Variants in DCLK1 observed in about 807,000 individuals in gnomAD.
DCLK1 encodes doublecortin like kinase 1.
DCLK1 carries 16 observed loss-of-function variants against 86.2 expected under a neutral mutation model. That is an observed-to-expected ratio of 0.19 (90% CI 0.13 to 0.28). The LOEUF (loss-of-function observed/expected upper bound fraction) is 0.28, where lower values mean the gene tolerates loss of function less well. Among genes scored for constraint, DCLK1 ranks in the 10% least tolerant of loss-of-function variants. The pLI is 1.00. For missense variants in DCLK1, 590 were observed against 940.2 expected, an observed-to-expected ratio of 0.63 and a Z score of 4.87; for synonymous variants, 369 against 370.5, an observed-to-expected ratio of 1.00 and a Z score of 0.05.
intron 3 of DCLK1, among the ~76,000 whole-genome samples, chr13:35,985,686 G>T (rs2153142547): frequency 6.6e-6 from 1 of 152,318 alleles, no homozygotes; most frequent in South Asian, 2.1e-4. Context: ...TGAGGGATTT[G>T]GCAGCCTACA....
chr13:35,992,043 T>C (rs1229782526), intron 3 of DCLK1, among the ~76,000 whole-genome samples: 3 of 152,194 alleles, frequency 2.0e-5, no homozygotes, highest in African/African-American at 7.2e-5. Flanking sequence ...TAGATTTTGG[T>C]TTAATTGCCT....
intron 11 of DCLK1, among the ~76,000 whole-genome samples, chr13:35,820,854 C>T (rs1192883107): frequency 6.6e-6 from 1 of 152,162 alleles, no homozygotes; most frequent in Non-Finnish European, 1.5e-5. Context: ...CCTCAGCTGC[C>T]TTTTATTAGC....
chr13:35,961,078 G>C (rs900768225), intron 3 of DCLK1, among the ~76,000 whole-genome samples: 1 of 152,140 alleles, frequency 6.6e-6, no homozygotes, highest in Non-Finnish European at 1.5e-5. Flanking sequence ...TAGAGGTTTT[G>C]AGTATAGGCT....
intron 3 of DCLK1, among the ~76,000 whole-genome samples, chr13:36,073,703 A>ATGG (rs1884062310): frequency 6.6e-6 from 1 of 152,072 alleles, no homozygotes; most frequent in South Asian, 2.1e-4. Flanking sequence ...TCTGGCTCAC[A>ATGG]CCTGAACTAT....
rs189358107 is a variant in DCLK1 at position 35,890,234 on chromosome 13, G to A, written c.824-18894C>T. On this transcript the variant is annotated intron_variant, in intron 4 of 16. Coordinates refer to ENST00000360631, the MANE Select transcript of DCLK1 (RefSeq NM_001330071.2). ...CGCTATAGATAACAATTTCTTGGCTGGTCTGTCCTAAAAGGTCAGAGAATA... is the reference window on the plus strand; with the variant it reads ...CGCTATAGATAACAATTTCTTGGCTAGTCTGTCCTAAAAGGTCAGAGAATA... Among the ~76,000 whole-genome samples, 37 of 152,094 alleles carry A rather than the reference G, an allele frequency of 2.4e-4. No homozygotes were observed. The East Asian group carries it at 4.4e-3, about 18-fold the overall frequency.
intron 4 of DCLK1, among the ~76,000 whole-genome samples, chr13:35,895,831 G>A (rs1384474640): frequency 6.6e-6 from 1 of 151,390 alleles, no homozygotes; most frequent in Non-Finnish European, 1.5e-5. Flanking sequence ...ATATTTTTCA[G>A]TGAAAGTAAA....
At chr13:35,934,498 G>A (rs1876644052) in intron 4 of DCLK1, among the ~76,000 whole-genome samples, 1 of 152,228 alleles carries the variant, frequency 6.6e-6, no homozygotes, top group South Asian at 2.1e-4. Context: ...ATGGAAGGCA[G>A]CAGGCAAAGA....
intron 3 of DCLK1, among the ~76,000 whole-genome samples, chr13:35,972,742 G>C (rs1392501884): frequency 6.6e-6 from 1 of 152,068 alleles, no homozygotes; most frequent in East Asian, 1.9e-4. Flanking sequence ...AAGGACCTTT[G>C]AACCTAATTT....
intron 16 of DCLK1, among the ~76,000 whole-genome samples, chr13:35,779,810 T>G (rs2086491008): frequency 6.6e-6 from 1 of 152,178 alleles, no homozygotes; most frequent in South Asian, 2.1e-4. Flanking sequence ...GCTACAAAAT[T>G]AACTTGACTC....
At chr13:35,850,456 C>G in intron 6 of DCLK1, 1 of 1,133,202 alleles carries the variant, frequency 8.8e-7, no homozygotes, top group Non-Finnish European at 1.1e-6. Context: ...TCATCTAGAG[C>G]CAGGCCCTGT....
intron 2 of DCLK1, among the ~76,000 whole-genome samples, chr13:36,124,151 G>A (rs925324411): frequency 4.6e-5 from 7 of 152,130 alleles, no homozygotes; most frequent in Admixed American, 2.0e-4. Flanking sequence ...TCAGAGGGAC[G>A]GCTTGTTGAC....
In DCLK1 at chr13:36,020,872, G is replaced by A. The variant is rs370308477; in HGVS notation, c.724-73415C>T. On this transcript the variant is annotated intron_variant, in intron 3 of 16. Coordinates refer to ENST00000360631, the MANE Select transcript of DCLK1 (RefSeq NM_001330071.2). ...CAGGAAACACTAGAGACTCTTTCAGGCTGAAATGAAAGGACACAAGACATT... is the reference window on the plus strand; with the variant it reads ...CAGGAAACACTAGAGACTCTTTCAGACTGAAATGAAAGGACACAAGACATT... Among the ~76,000 whole-genome samples, 18 of 152,254 alleles carry A rather than the reference G, an allele frequency of 1.2e-4. No homozygotes were observed. The East Asian group carries it at 1.7e-3, about 15-fold the overall frequency.
At chr13:35,870,137 G>A (rs1037961553) in intron 5 of DCLK1, among the ~76,000 whole-genome samples, 8 of 152,186 alleles carry the variant, frequency 5.3e-5, no homozygotes, top group African/African-American at 7.2e-5. Flanking sequence ...GCTCTGAAAC[G>A]TATTTCCTGA....
At chr13:36,070,644 A>AT (rs11368796) in intron 3 of DCLK1, among the ~76,000 whole-genome samples, 100,051 of 150,908 alleles carry the variant, frequency 0.66, 33,800 homozygotes, top group East Asian at 0.99. Flanking sequence ...TTTTAACTTA[A>AT]TTTTTTTTCT....
chr13:35,785,310 G>A (rs917874974), intron 16 of DCLK1, among the ~76,000 whole-genome samples: 4 of 152,108 alleles, frequency 2.6e-5, no homozygotes, highest in African/African-American at 4.8e-5. Context: ...TTTGAATAAG[G>A]ATGCATTTCC....
At chr13:35,944,474 T>A (rs2153132593) in intron 4 of DCLK1, among the ~76,000 whole-genome samples, 1 of 152,272 alleles carries the variant, frequency 6.6e-6, no homozygotes, top group South Asian at 2.1e-4. Context: ...TAAATCATGC[T>A]CGGAGCACTT....
At chr13:36,069,903 A>G (rs1926317) in intron 3 of DCLK1, among the ~76,000 whole-genome samples, 100,712 of 152,074 alleles carry the variant, frequency 0.66, 34,002 homozygotes, top group East Asian at 0.99. Flanking sequence ...TCCATCAGCG[A>G]TAGGATTGAA....
chr13:35,885,041 G>C (rs1873144479), intron 4 of DCLK1, among the ~76,000 whole-genome samples: 1 of 152,152 alleles, frequency 6.6e-6, no homozygotes, highest in South Asian at 2.1e-4. Flanking sequence ...CTTGGTAGAA[G>C]GAGGGGCTCC....
intron 4 of DCLK1, among the ~76,000 whole-genome samples, chr13:35,873,856 A>G (rs1397615012): frequency 1.3e-5 from 2 of 152,160 alleles, no homozygotes; most frequent in African/African-American, 4.8e-5. Flanking sequence ...TCCCACACGC[A>G]TATTAGCCAT....
Sources: gnomAD v4.1 joint callset for allele counts (sites outside exome capture counted in the v4.1 genomes callset) on GRCh38, gnomAD v4.1.1 for gene constraint, MANE v1.5 for transcripts, NCBI Gene and HGNC (gene_info 2026-07-23, HGNC 2026-07-21) for gene names.